EFEMP1: variants seen among roughly 807,000 people sequenced by gnomAD.
EFEMP1 encodes the protein EGF-like fibulin extracellular matrix protein 1.
A neutral mutation model predicts 65.7 loss-of-function variants in EFEMP1; 18 were observed. That is an observed-to-expected ratio of 0.27 (90% CI 0.19 to 0.41). The LOEUF (loss-of-function observed/expected upper bound fraction) is 0.41, where lower values mean the gene tolerates loss of function less well. Ranked by LOEUF, EFEMP1 falls within the 10% of genes least tolerant of loss-of-function variation. EFEMP1 has a pLI of 1.00. For synonymous variants in EFEMP1, 237 were observed against 219.7 expected (o/e 1.08, Z -0.70); for missense variants, 469 against 624.8 (o/e 0.75, Z 2.66).
At position 55,885,827 on chromosome 2, in the gene EFEMP1, C is replaced by T. The variant is rs1408658959; in HGVS notation, c.518-4093G>A. On this transcript the variant is annotated intron_variant, in intron 5 of 11. Coordinates refer to ENST00000355426, the MANE Select transcript of EFEMP1 (RefSeq NM_001039348.3). This position sits in a 1 kb window ranked among gnomAD's most constrained non-coding sequence, Gnocchi z 4.3. ...CTCTGTGGTGTCCATTAAGTCCCTG[C>T]TTAGGCCCTCATTCTCTATGTTTTT... is the stretch of plus-strand genomic sequence containing the variant. Among the ~76,000 whole-genome samples the T allele has an allele frequency of 6.6e-6, 1 of 152,158 alleles. No homozygotes were observed. Among genetic ancestry groups the T allele is most frequent in the Non-Finnish European group, 1.5e-5 (1 of 68,036 alleles).
At chr2:55,876,159 T>A (rs1476072680) in intron 8 of EFEMP1, among the ~76,000 whole-genome samples, 2 of 152,086 alleles carry the variant, frequency 1.3e-5, no homozygotes, top group Non-Finnish European at 2.9e-5. Context: ...GTAGCAGGAA[T>A]AGAACCAGAA....
At chr2:55,908,537 A>G (rs1670367817) in intron 5 of EFEMP1, among the ~76,000 whole-genome samples, 1 of 152,124 alleles carries the variant, frequency 6.6e-6, no homozygotes, top group Admixed American at 6.5e-5. Context: ...GACTATAGTT[A>G]ATAATAATAT....
At chr2:55,909,720 G>A (rs1353046870) in intron 5 of EFEMP1, among the ~76,000 whole-genome samples, 1 of 152,138 alleles carries the variant, frequency 6.6e-6, no homozygotes, top group East Asian at 1.9e-4. Context: ...TTAGTTAATT[G>A]TGGTGCTACC....
chr2:55,878,355 C>T (rs767890742), intron 6 of EFEMP1, among the ~76,000 whole-genome samples: 17 of 152,046 alleles, frequency 1.1e-4, no homozygotes, highest in Non-Finnish European at 2.5e-4. Context: ...TATCTTAGGA[C>T]GTTTTTGTGT....
rs376708521 is a variant in EFEMP1 at position 55,881,583 on chromosome 2, G to A, written c.640+29C>T. The A allele has an allele frequency of 1.6e-5, 25 of 1,612,450 alleles. No individual in the cohort carries two copies. In the African/African-American group the frequency reaches 3.2e-4, roughly 21 times the overall value. ...GAAACAGTTAAGGTACTCAAGACAG[G>A]ACCGTGCTCACTGCACTGTGGTACT... On this transcript the variant is annotated intron_variant, in intron 6 of 11. Coordinates refer to ENST00000355426, the MANE Select transcript of EFEMP1 (RefSeq NM_001039348.3).
chr2:55,922,641 G>A lies in EFEMP1; in HGVS notation c.-7-194C>T, dbSNP rs1471084774. The A allele has an allele frequency of 4.9e-6, 3 of 607,476 alleles. No individual in the cohort carries two copies. In the African/African-American group the frequency reaches 5.6e-5, roughly 11 times the overall value. The allele number at this position is 607,476 out of a possible 1,614,324, so 37.6% of individuals were successfully genotyped here. ...GGTAGCCAACGAACGAGGCAGCAAA[G>A]ACGTAAAAACTGCTGTAGAATTGCA... On this transcript the variant is annotated intron_variant, in intron 2 of 11. Transcript: ENST00000355426. The surrounding 1 kb of genome is among the most constrained non-coding windows in gnomAD (Gnocchi z 5.5).
intron 5 of EFEMP1, among the ~76,000 whole-genome samples, chr2:55,882,082 T>C (rs950578462): frequency 3.8e-4 from 58 of 152,192 alleles, no homozygotes; most frequent in Non-Finnish European, 7.4e-5. Flanking sequence ...TTCCCTGAGA[T>C]GTTTTTGTAC....
rs1036958374 is a variant in EFEMP1, at chr2:55,870,034, G to T, written c.1320+686C>A. ...GCAAAGATAACCCAGGAGACAGTGTGAAGAGGGAAATGGCAGAATTCAGAA... is the reference window on the plus strand; with the variant it reads ...GCAAAGATAACCCAGGAGACAGTGTTAAGAGGGAAATGGCAGAATTCAGAA... On this transcript the variant is annotated intron_variant, in intron 11 of 11. Coordinates refer to ENST00000355426, the MANE Select transcript of EFEMP1 (RefSeq NM_001039348.3). This position sits in a 1 kb window ranked among gnomAD's most constrained non-coding sequence, Gnocchi z 5.8. Among the ~76,000 whole-genome samples, 28 of 152,074 alleles carry T rather than the reference G, an allele frequency of 1.8e-4. No homozygotes were observed. Among genetic ancestry groups the T allele is most frequent in the African/African-American group, 6.0e-4 (25 of 41,436 alleles).
In EFEMP1 at chr2:55,886,541, A is replaced by C. The variant is rs1324830339; in HGVS notation, c.518-4807T>G. On this transcript the variant is annotated intron_variant, in intron 5 of 11. Transcript: ENST00000355426. This position sits in a 1 kb window ranked among gnomAD's most constrained non-coding sequence, Gnocchi z 4.0. Reference sequence around the variant, plus strand: ...ACTGATTTAATCTCATAAATGGAGTAAAGTAGAAAAATGGTCAAGGTAAAG... The same window carrying C: ...ACTGATTTAATCTCATAAATGGAGTCAAGTAGAAAAATGGTCAAGGTAAAG... Among the ~76,000 whole-genome samples, 2 of 152,188 alleles carry C rather than the reference A, an allele frequency of 1.3e-5. No individual in the cohort carries two copies. Among genetic ancestry groups the C allele is most frequent in the Non-Finnish European group, 2.9e-5 (2 of 68,020 alleles).
At chr2:55,914,960 C>T (rs1422133476) in intron 5 of EFEMP1, among the ~76,000 whole-genome samples, 1 of 152,174 alleles carries the variant, frequency 6.6e-6, no homozygotes, top group African/African-American at 2.4e-5. Context: ...CATACATCTG[C>T]AGGCAATTAG....
chr2:55,907,009 A>G (rs1387612893), intron 5 of EFEMP1, among the ~76,000 whole-genome samples: 2 of 152,234 alleles, frequency 1.3e-5, no homozygotes, highest in African/African-American at 4.8e-5. Context: ...AACACTTTCT[A>G]TTTAATCCAT....
rs1356097879 is a variant in EFEMP1, at chr2:55,917,248, A to T, written c.517+417T>A. Among the ~76,000 whole-genome samples, 4 of 152,126 alleles carry T rather than the reference A, an allele frequency of 2.6e-5. No homozygotes were observed. The South Asian group carries it at 6.2e-4, about 24-fold the overall frequency. ...TTTGGCACCCGCCTTCCTGGGTTGGAAGGTCAGCTCTGCACTTAGCACCTG... is the reference window on the plus strand; with the variant it reads ...TTTGGCACCCGCCTTCCTGGGTTGGTAGGTCAGCTCTGCACTTAGCACCTG... On this transcript the variant is annotated intron_variant, in intron 5 of 11. Coordinates refer to ENST00000355426, the MANE Select transcript of EFEMP1 (RefSeq NM_001039348.3). This position sits in a 1 kb window ranked among gnomAD's most constrained non-coding sequence, Gnocchi z 6.3.
Position 55,885,790 on chromosome 2 carries a change from C to A in EFEMP1, c.518-4056G>T, listed in dbSNP as rs1669400560. ...TTTCTCTCAAAGTTAATGGAGACAA[C>A]TTTGTCCACATCTCTGTGGTGTCCA... On this transcript the variant is annotated intron_variant, in intron 5 of 11. Transcript: ENST00000355426. This position sits in a 1 kb window ranked among gnomAD's most constrained non-coding sequence, Gnocchi z 4.3. 6.6e-6 allele frequency among the ~76,000 whole-genome samples: 1 copy of A among 152,130 alleles called. No homozygotes were observed. Among genetic ancestry groups the A allele is most frequent in the Non-Finnish European group, 1.5e-5 (1 of 68,034 alleles).
intron 6 of EFEMP1, among the ~76,000 whole-genome samples, chr2:55,879,242 G>A (rs1255540113): frequency 2.0e-5 from 3 of 152,120 alleles, no homozygotes; most frequent in Non-Finnish European, 2.9e-5. Context: ...AATAGGGCCT[G>A]GCATAGTAGT....
chr2:55,885,733 G>A lies in EFEMP1; in HGVS notation c.518-3999C>T, dbSNP rs928664030. Among the ~76,000 whole-genome samples the A allele has an allele frequency of 2.6e-5, 4 of 151,874 alleles. 1 individual carries two copies. Among genetic ancestry groups the A allele is most frequent in the Non-Finnish European group, 5.9e-5 (4 of 67,974 alleles). ...GCTCTTCTAGCCTCTTTATCACACC[G>A]ACCCCCACGTCTAGGGAACCGCACA... is the stretch of plus-strand genomic sequence containing the variant. On this transcript the variant is annotated intron_variant, in intron 5 of 11. Coordinates refer to ENST00000355426, the MANE Select transcript of EFEMP1 (RefSeq NM_001039348.3). The surrounding 1 kb of genome is among the most constrained non-coding windows in gnomAD (Gnocchi z 4.3).
chr2:55,901,563 G>C (rs1304467738), intron 5 of EFEMP1, among the ~76,000 whole-genome samples: 1 of 152,152 alleles, frequency 6.6e-6, no homozygotes, highest in Non-Finnish European at 1.5e-5. Flanking sequence ...GAGTCATACA[G>C]CCTCTTGCAC....
At chr2:55,875,683 A>G (rs1669005527) in intron 8 of EFEMP1, among the ~76,000 whole-genome samples, 1 of 152,072 alleles carries the variant, frequency 6.6e-6, no homozygotes, top group Non-Finnish European at 1.5e-5. Context: ...TGTAGAGTTC[A>G]TGTTTGTCTT....
rs573070383 is a variant in EFEMP1 at position 55,908,882 on chromosome 2, T to C, written c.517+8783A>G. Among the ~76,000 whole-genome samples the C allele has an allele frequency of 5.3e-5, 8 of 152,274 alleles. No individual in the cohort carries two copies. In the East Asian group the frequency reaches 1.4e-3, roughly 26 times the overall value. Reference sequence around the variant, plus strand: ...ATGCATTCCCTGGTTAAATGGCTTATTGGAAAATAAAAAAGAATTCTAGTG... The same window carrying C: ...ATGCATTCCCTGGTTAAATGGCTTACTGGAAAATAAAAAAGAATTCTAGTG... On this transcript the variant is annotated intron_variant, in intron 5 of 11. Coordinates refer to ENST00000355426, the MANE Select transcript of EFEMP1 (RefSeq NM_001039348.3).
intron 5 of EFEMP1, among the ~76,000 whole-genome samples, chr2:55,887,815 C>T (rs961545777): frequency 2.0e-5 from 3 of 152,068 alleles, no homozygotes; most frequent in Admixed American, 6.6e-5. Context: ...TAGAGAGTGG[C>T]GAAATCAAGT....
Sources: gnomAD v4.1 joint callset for allele counts (sites outside exome capture counted in the v4.1 genomes callset) on GRCh38, gnomAD v4.1.1 for gene constraint, Gnocchi (gnomAD v3.1) non-coding constraint, MANE v1.5 for transcripts, NCBI Gene and HGNC (gene_info 2026-07-23, HGNC 2026-07-21) for gene names.